ABCG2: variants seen among roughly 807,000 people sequenced by gnomAD.
ABCG2 encodes the protein broad substrate specificity ATP-binding cassette transporter ABCG2.
Under a neutral mutation model 73.5 loss-of-function variants are expected in ABCG2, and 80 were observed. The observed-to-expected ratio is 1.09, with a 90% CI of 0.91 to 1.31. ABCG2 has a LOEUF of 1.31. Among genes scored for constraint, ABCG2 ranks in the 50% most tolerant of loss-of-function variants. ABCG2 has a pLI of 0.00. For missense variants in ABCG2, 796 were observed against 786.2 expected (o/e 1.01, Z -0.15); for synonymous variants, 269 against 282.4 (o/e 0.95, Z 0.48).
chr4:88,162,512 C>T (rs556053725), upstream of ABCG2, among the ~76,000 whole-genome samples: 2 of 152,166 alleles, frequency 1.3e-5, no homozygotes, highest in South Asian at 2.1e-4. Context: ...ACTAAAGTTA[C>T]ATTGGGAGGC....
At chr4:88,146,453 G>T (rs1343771829) in intron 1 of ABCG2, among the ~76,000 whole-genome samples, 1 of 151,966 alleles carries the variant, frequency 6.6e-6, no homozygotes, top group African/African-American at 2.4e-5. Flanking sequence ...TAGTGCAGTG[G>T]TGTGGATCTT....
At chr4:88,208,041 T>C (rs1729448943) in intron 1 of ABCG2, among the ~76,000 whole-genome samples, 1 of 152,206 alleles carries the variant, frequency 6.6e-6, no homozygotes, top group African/African-American at 2.4e-5. Flanking sequence ...GTGTAGCAAA[T>C]TTCAGTATTC....
At chr4:88,142,222 A>C (rs952871035) in intron 1 of ABCG2, among the ~76,000 whole-genome samples, 20 of 152,122 alleles carry the variant, frequency 1.3e-4, no homozygotes, top group African/African-American at 4.8e-4. Context: ...CAAAATGGGT[A>C]CTTAGACAGA....
At chr4:88,094,469 A>G (rs888677411) in intron 15 of ABCG2, 108 bp downstream of exon 15, 4 of 916,976 alleles carry the variant, frequency 4.4e-6, no homozygotes, top group African/African-American at 1.7e-5. Flanking sequence ...GTAGGCTCGG[A>G]AAAATTCAGT....
intron 5 of ABCG2, among the ~76,000 whole-genome samples, chr4:88,125,607 CAAAAAAAAAAAA>C (rs70957302): frequency 2.6e-4 from 9 of 34,976 alleles, no homozygotes; most frequent in South Asian, 4.7e-3. Context: ...GACTCTGTCT[CAAAAAAAAAAAA>C]AAAAAAAAAA....
At chr4:88,136,548 A>G (rs773298428) in intron 2 of ABCG2, among the ~76,000 whole-genome samples, 29 of 152,164 alleles carry the variant, frequency 1.9e-4, no homozygotes, top group Non-Finnish European at 2.8e-4. Context: ...TCTACAAAAA[A>G]CTTAAAAGTT....
upstream of ABCG2, among the ~76,000 whole-genome samples, chr4:88,163,065 C>A (rs1489355089): frequency 6.6e-6 from 1 of 152,140 alleles, no homozygotes; most frequent in Non-Finnish European, 1.5e-5. Flanking sequence ...CAGGATTCAC[C>A]ATGGGCCTGG....
At chr4:88,177,257 C>T (rs932362530) in intron 1 of ABCG2, among the ~76,000 whole-genome samples, 1 of 151,888 alleles carries the variant, frequency 6.6e-6, no homozygotes, top group African/African-American at 2.4e-5. Context: ...GCCTGTGGTC[C>T]CAGCTACTCG....
chr4:88,104,011 G>A (rs1722614471), intron 10 of ABCG2, among the ~76,000 whole-genome samples: 1 of 152,118 alleles, frequency 6.6e-6, no homozygotes, highest in African/African-American at 2.4e-5. Context: ...TAAATATGAG[G>A]GTGCAGAAAT....
At chr4:88,229,607 G>T (rs992924317) in intron 1 of ABCG2, among the ~76,000 whole-genome samples, 1 of 152,116 alleles carries the variant, frequency 6.6e-6, no homozygotes, top group Non-Finnish European at 1.5e-5. Flanking sequence ...CCAGGATAGG[G>T]TTCCTTTTAT....
At chr4:88,229,752 T>C (rs1051054990) in intron 1 of ABCG2, among the ~76,000 whole-genome samples, 5 of 152,112 alleles carry the variant, frequency 3.3e-5, no homozygotes, top group Non-Finnish European at 7.3e-5. Context: ...TCTTTTTTCC[T>C]CTTGGCTTGT....
chr4:88,141,467 C>A (rs575380140), intron 1 of ABCG2, among the ~76,000 whole-genome samples: 1 of 152,128 alleles, frequency 6.6e-6, no homozygotes, highest in Non-Finnish European at 1.5e-5. Flanking sequence ...TCTGTCAGCA[C>A]TAGGGAGACA....
chr4:88,203,508 T>C (rs1232903795), intron 1 of ABCG2, among the ~76,000 whole-genome samples: 1 of 152,174 alleles, frequency 6.6e-6, no homozygotes, highest in Non-Finnish European at 1.5e-5. Flanking sequence ...CGGTGGCTCA[T>C]GCCTTTAATC....
intron 1 of ABCG2, among the ~76,000 whole-genome samples, chr4:88,141,999 G>A (rs765506805): frequency 2.3e-4 from 35 of 152,054 alleles, no homozygotes; most frequent in Non-Finnish European, 4.9e-4. Flanking sequence ...CACAAATTAG[G>A]AAAGAGAATT....
rs1298241768 is a variant in ABCG2 at position 88,094,578 on chromosome 4, T to C, written c.1819A>G (p.Thr607Ala). Reference sequence around the variant, plus strand: ...TTTTGACACTGAACAAAAACTTACGTTGCATAGTTACAAGGATTGTTTCCT... The same window carrying C: ...TTTTGACACTGAACAAAAACTTACGCTGCATAGTTACAAGGATTGTTTCCT... ...ATGNNPCNYA[T>A]CTGEEYLVKQ... The change falls in exon 15 of 16, where the codon ACA (threonine) becomes GCA (alanine). Residue 607 changes from threonine (T) to alanine (A), a missense_variant and splice_region_variant. Thr to Ala is a moderately conservative substitution (Grantham distance 58). Coordinates refer to ENST00000237612, the MANE Select transcript of ABCG2 (RefSeq NM_004827.3). The C allele has an allele frequency of 6.2e-7, 1 of 1,613,126 alleles. No homozygotes were observed. The highest frequency in any genetic ancestry group is 1.1e-5 in the South Asian group (1 of 91,058).
At position 88,120,440 on chromosome 4, in the gene ABCG2, A is replaced by T. The variant is rs545662706; in HGVS notation, c.689+1195T>A. ...ACAGACACTCAATACCAGCCTGTGA[A>T]ATCAGCCACAAAAGGGGCTGTGCCC... On this transcript the variant is annotated intron_variant, in intron 6 of 15. Transcript: ENST00000237612. Among the ~76,000 whole-genome samples, 68 of 152,286 alleles carry T rather than the reference A, an allele frequency of 4.5e-4. 1 individual carries two copies. Among genetic ancestry groups the T allele is most frequent in the African/African-American group, 1.5e-3 (64 of 41,558 alleles).
At chr4:88,122,028 G>A (rs1171411522) in intron 5 of ABCG2, among the ~76,000 whole-genome samples, 2 of 152,038 alleles carry the variant, frequency 1.3e-5, no homozygotes, top group African/African-American at 4.8e-5. Context: ...ACCTCCTTGG[G>A]TGAGGCTATG....
At chr4:88,213,277 T>G (rs1185407254) in intron 1 of ABCG2, among the ~76,000 whole-genome samples, 1 of 152,218 alleles carries the variant, frequency 6.6e-6, no homozygotes, top group East Asian at 1.9e-4. Flanking sequence ...ACTCATACTG[T>G]ACTTCCCTAG....
chr4:88,164,169 C>A (rs538876671), upstream of ABCG2, among the ~76,000 whole-genome samples: 1 of 151,872 alleles, frequency 6.6e-6, no homozygotes, highest in African/African-American at 2.4e-5. Flanking sequence ...CGGGTTCAAG[C>A]GATTCTACTG....
Sources: allele counts gnomAD v4.1 joint callset (sites outside exome capture counted in the v4.1 genomes callset), GRCh38; gene constraint gnomAD v4.1.1; transcripts MANE v1.5; gene names NCBI Gene and HGNC (gene_info 2026-07-23, HGNC 2026-07-21).